The following ZNF132 variants were observed in gnomAD, a reference collection of about 807,000 sequenced individuals.
ZNF132 encodes zinc finger protein 132.
A neutral mutation model predicts 9.3 loss-of-function variants in ZNF132; 6 were observed. The ratio of observed to expected loss-of-function variants is 0.65; its 90% confidence interval spans 0.35 to 1.28. The LOEUF is 1.28. Ranked by LOEUF, ZNF132 falls within the 50% of genes most tolerant of loss-of-function variation. The pLI, the probability that ZNF132 is intolerant of heterozygous loss-of-function variation, is 0.03. For missense variants in ZNF132, 877 were observed against 843.2 expected, an observed-to-expected ratio of 1.04 and a Z score of -0.50; for synonymous variants, 296 against 292.0, an observed-to-expected ratio of 1.01 and a Z score of -0.14.
chr19:58,434,514 C>T lies in ZNF132; in HGVS notation c.930G>A (p.Gln310=). 3.1e-6 allele frequency: 5 copies of T among 1,614,198 alleles called. No individual in the cohort carries two copies. Among genetic ancestry groups the T allele is most frequent in the Non-Finnish European group, 4.2e-6 (5 of 1,180,036 alleles). ...AATATTTTACTTCAGTGTGAAATTTCTGGTGCTTCCTCAGCTTAGATGAGT... is the reference window on the plus strand; with the variant it reads ...AATATTTTACTTCAGTGTGAAATTTTTGGTGCTTCCTCAGCTTAGATGAGT... ...FSHSSKLRKH[Q]KFHTEVKYYE... The change falls in exon 3 of 3, where the codon CAG becomes CAA. Residue 310 remains glutamine (Q), a synonymous_variant. Coordinates refer to ENST00000254166, the MANE Select transcript of ZNF132 (RefSeq NM_003433.4).
chr19:58,433,815 G>A lies in ZNF132; in HGVS notation c.1629C>T (p.Tyr543=), dbSNP rs199698210. 189 of 1,613,924 alleles carry A rather than the reference G, an allele frequency of 1.2e-4. No homozygotes were observed. The highest frequency in any genetic ancestry group is 4.0e-4 in the East Asian group (18 of 44,868). ...HWRIHTGEKP[Y]ECSECGKAFA... Reference sequence around the variant, plus strand: ...AGGCTTTCCCACACTCACTACACTCGTAAGGCTTTTCTCCAGTGTGAATTC... The same window carrying A: ...AGGCTTTCCCACACTCACTACACTCATAAGGCTTTTCTCCAGTGTGAATTC... The change falls in exon 3 of 3, where the codon TAC becomes TAT. Residue 543 remains tyrosine, a synonymous_variant. Coordinates refer to ENST00000254166, the MANE Select transcript of ZNF132 (RefSeq NM_003433.4).
In ZNF132 at chr19:58,434,450, G is replaced by C. The variant is rs770272393; in HGVS notation, c.994C>G (p.Leu332Val). The change falls in exon 3 of 3, where the codon CTC becomes GTC. Residue 332 changes from leucine to valine, a missense_variant. Transcript: ENST00000254166. ...ATTCTCTGATGATGAACAAATGTGA[G>C]TTTGTGGTTGAAGGTTTTCCCACAT... Reference protein sequence around the residue: ...IACGKTFNHKLTFVHHQRIHS... With the variant: ...IACGKTFNHKVTFVHHQRIHS... 1.2e-6 allele frequency: 2 copies of C among 1,614,260 alleles called. No individual in the cohort carries two copies. The highest frequency in any genetic ancestry group is 3.3e-5 in the Admixed American group (2 of 60,034).
Position 58,435,207 on chromosome 19 carries a change from A to G in ZNF132, c.237T>C (p.Ser79=), listed in dbSNP as rs1264071871. 6.2e-7 allele frequency: 1 copy of G among 1,604,078 alleles called. No individual in the cohort carries two copies. ...CCCCCTCACCCTCTACTCCATGCCA[A>G]GAACCTGAAAGTAGAGAAATGCCAG... ...ENLELVTSLG[S]WHGVEGEGAH... is the part of the protein sequence containing the mutation. The change falls in exon 3 of 3, where the codon TCT becomes TCC. Residue 79 remains serine, a synonymous_variant. Coordinates refer to ENST00000254166, the MANE Select transcript of ZNF132 (RefSeq NM_003433.4).
chr19:58,440,140 A>G lies in ZNF132; in HGVS notation c.-319T>C. ...TGTAGCCCAACCCACCAGCAGCAAA[A>G]TGAGGACCGCAATGGCGGCGCCGGA... is the stretch of plus-strand genomic sequence containing the variant. On this transcript the variant is annotated 5_prime_UTR_variant, in exon 1 of 3. Coordinates refer to ENST00000254166, the MANE Select transcript of ZNF132 (RefSeq NM_003433.4). 2.6e-6 allele frequency: 1 copy of G among 381,872 alleles called. No homozygotes were observed. Among genetic ancestry groups the G allele is most frequent in the Non-Finnish European group, 4.7e-6 (1 of 211,160 alleles). The allele number at this position is 381,872 out of a possible 1,614,324, so 23.7% of individuals were successfully genotyped here. A position where few individuals can be genotyped will look rare whatever the true frequency, so the allele number is the denominator to read the frequency against.
chr19:58,433,401 C>T lies in ZNF132; in HGVS notation c.2043G>A (p.Arg681=), dbSNP rs2052753417. 6.2e-7 allele frequency: 1 copy of T among 1,614,164 alleles called. No individual in the cohort carries two copies. Among genetic ancestry groups the T allele is most frequent in the Non-Finnish European group, 8.5e-7 (1 of 1,180,024 alleles). ...VRHQKVHTRE[R]TYECSQCGKL... is the part of the protein sequence containing the mutation. ...TCCCACACTGGCTACACTCATAAGT[C>T]CTTTCTCTGGTGTGAACTTTCTGGT... Residue 681 remains arginine (R), a synonymous_variant, in exon 3 of 3, where the codon AGG becomes AGA. Coordinates refer to ENST00000254166, the MANE Select transcript of ZNF132 (RefSeq NM_003433.4).
Position 58,433,475 on chromosome 19 carries a change from A to C in ZNF132, c.1969T>G (p.Cys657Gly), listed in dbSNP as rs751764945. 1.2e-6 allele frequency: 2 copies of C among 1,614,084 alleles called. No individual in the cohort carries two copies. The highest frequency in any genetic ancestry group is 2.2e-5 in the South Asian group (2 of 91,084). ...CTAAAGGCTTTTCCACACTGGATGC[A>C]CTCATAGGGCCTTTCTTGTGTGTGA... ...RVHTQERPYE[C>G]IQCGKAFSER... The change falls in exon 3 of 3, where the codon TGC (cysteine) becomes GGC (glycine). Residue 657 changes from cysteine to glycine, a missense_variant. Physicochemically the swap from Cys to Gly is radical, Grantham distance 159. Transcript: ENST00000254166.
At position 58,434,489 on chromosome 19, in the gene ZNF132, AAT is replaced by A; in HGVS notation, c.953_954del (p.Tyr318LeufsTer2). On this transcript the variant is annotated frameshift_variant, in exon 3 of 3. Coordinates refer to ENST00000254166, the MANE Select transcript of ZNF132 (RefSeq NM_003433.4). LOFTEE classifies it low-confidence loss of function (END_TRUNC). Reference protein sequence around the residue: ...KHQKFHTEVKYYECIACGKTF... With the variant: ...KHQKFHTEVKXYECIACGKTF... ...GTTTTCCCACATGCAATGCACTCAT[AAT>A]ATTTTACTTCAGTGTGAAATTTCTG... 6.2e-7 allele frequency: 1 copy of A among 1,614,184 alleles called. No individual in the cohort carries two copies. Among genetic ancestry groups the A allele is most frequent in the South Asian group, 1.1e-5 (1 of 91,074 alleles).
chr19:58,434,898 G>A lies in ZNF132; in HGVS notation c.546C>T (p.Ser182=). Residue 182 remains serine (S), a synonymous_variant, in exon 3 of 3, where the codon AGC becomes AGT. Transcript: ENST00000254166. ...WYKDRDALMK[S]SKVHLSENPF... ...GGTTCTCTGACAGGTGGACTTTAGA[G>A]CTCTTCATAAGTGCGTCCCTGTCCT... is the stretch of plus-strand genomic sequence containing the variant. The A allele has an allele frequency of 6.2e-7, 1 of 1,614,162 alleles. No homozygotes were observed. The highest frequency in any genetic ancestry group is 1.7e-5 in the Admixed American group (1 of 60,012).
In ZNF132 at chr19:58,433,482, G is replaced by C. The variant is rs1200301616; in HGVS notation, c.1962C>G (p.Pro654=). 1 of 1,614,010 alleles carries C rather than the reference G, an allele frequency of 6.2e-7. No homozygotes were observed. The highest frequency in any genetic ancestry group is 8.5e-7 in the Non-Finnish European group (1 of 1,179,984). Residue 654 remains proline (P), a synonymous_variant, in exon 3 of 3, where the codon CCC becomes CCG. Coordinates refer to ENST00000254166, the MANE Select transcript of ZNF132 (RefSeq NM_003433.4). ...RHQRVHTQER[P]YECIQCGKAF... is the part of the protein sequence containing the mutation. ...CTTTTCCACACTGGATGCACTCATAGGGCCTTTCTTGTGTGTGAACTCTCT... is the reference window on the plus strand; with the variant it reads ...CTTTTCCACACTGGATGCACTCATACGGCCTTTCTTGTGTGTGAACTCTCT...
chr19:58,439,954 C>CTGGG lies in ZNF132; in HGVS notation c.-137_-134dup, dbSNP rs2052793662. On this transcript the variant is annotated 5_prime_UTR_variant, in exon 1 of 3. It removes the in-frame stop codon of an upstream open reading frame in the 5' UTR. Coordinates refer to ENST00000254166, the MANE Select transcript of ZNF132 (RefSeq NM_003433.4). Reference sequence around the variant, plus strand: ...CCTCTGGGCACCGCAGGGACGAAGGCTGGGTATGGAGACCCTGGAGACGCG... The same window carrying CTGGG: ...CCTCTGGGCACCGCAGGGACGAAGGCTGGGTGGGTATGGAGACCCTGGAGACGCG... 1 of 913,616 alleles carries CTGGG rather than the reference C, an allele frequency of 1.1e-6. No homozygotes were observed. The highest frequency in any genetic ancestry group is 1.6e-6 in the Non-Finnish European group (1 of 608,658). 56.6% of individuals were successfully genotyped at this position (913,616 alleles called of 1,614,324 possible). A position where few individuals can be genotyped will look rare whatever the true frequency, so the allele number is the denominator to read the frequency against.
At chr19:58,435,360 G>A in intron 2 of ZNF132, 149 bp from the exon 3 acceptor site, 1 of 865,472 alleles carries the variant, frequency 1.2e-6, no homozygotes, top group East Asian at 2.7e-5. Context: ...GTGAAGAAGG[G>A]CCCATTACTA....
chr19:58,438,674 C>T (rs1333116931), intron 1 of ZNF132, among the ~76,000 whole-genome samples: 3 of 151,940 alleles, frequency 2.0e-5, no homozygotes, highest in East Asian at 1.9e-4. Context: ...GGGGTTTCAC[C>T]GTGTTAGCCA....
Position 58,434,776 on chromosome 19 carries a change from A to G in ZNF132, c.668T>C (p.Leu223Pro), listed in dbSNP as rs144057167. Residue 223 changes from leucine to proline, a missense_variant, in exon 3 of 3, where the codon CTT becomes CCT. Coordinates refer to ENST00000254166, the MANE Select transcript of ZNF132 (RefSeq NM_003433.4). ...VDSGQKPYSNLGQLPEVCTTQ... is the reference protein window; with the variant it reads ...VDSGQKPYSNPGQLPEVCTTQ... ...GGTACAGACTTCTGGAAGCTGCCCA[A>G]GATTGGAATATGGCTTCTGCCCACT... 52 of 1,614,200 alleles carry G rather than the reference A, an allele frequency of 3.2e-5. No individual in the cohort carries two copies. The African/African-American group carries it at 5.6e-4, about 17-fold the overall frequency.
chr19:58,433,387 C>T lies in ZNF132; in HGVS notation c.2057G>A (p.Ser686Asn). The part of the protein sequence containing the change: ...VHTRERTYEC[S>N]QCGKLFSHLC... Reference sequence around the variant, plus strand: ...ATGGCTGAAGAGTTTCCCACACTGGCTACACTCATAAGTCCTTTCTCTGGT... The same window carrying T: ...ATGGCTGAAGAGTTTCCCACACTGGTTACACTCATAAGTCCTTTCTCTGGT... The change falls in exon 3 of 3, where the codon AGC (serine) becomes AAC (asparagine). Residue 686 changes from serine to asparagine, a missense_variant. Transcript: ENST00000254166. 1 of 1,614,218 alleles carries T rather than the reference C, an allele frequency of 6.2e-7. No individual in the cohort carries two copies. The highest frequency in any genetic ancestry group is 8.5e-7 in the Non-Finnish European group (1 of 1,180,026).
Position 58,435,171 on chromosome 19 carries a change from C to T in ZNF132, c.273G>A (p.Lys91=), listed in dbSNP as rs201660995. 59 of 1,614,090 alleles carry T rather than the reference C, an allele frequency of 3.7e-5. No homozygotes were observed. In the African/African-American group the frequency reaches 4.0e-4, roughly 11 times the overall value. The change falls in exon 3 of 3, where the codon AAG becomes AAA. Residue 91 remains lysine (K), a synonymous_variant. Transcript: ENST00000254166. ...HGVEGEGAHP[K]QNVSVEVLQV... ...GTAACACTTCTACAGAAACATTCTGCTTGGGATGGGCCCCCTCACCCTCTA... is the reference window on the plus strand; with the variant it reads ...GTAACACTTCTACAGAAACATTCTGTTTGGGATGGGCCCCCTCACCCTCTA...
In ZNF132 at chr19:58,440,119, G is replaced by A; in HGVS notation, c.-298C>T. 2.3e-6 allele frequency: 1 copy of A among 439,274 alleles called. No individual in the cohort carries two copies. Among genetic ancestry groups the A allele is most frequent in the South Asian group, 2.9e-5 (1 of 34,254 alleles). The allele number at this position is 439,274 out of a possible 1,614,324, so 27.2% of individuals were successfully genotyped here. A position where few individuals can be genotyped will look rare whatever the true frequency, so the allele number is the denominator to read the frequency against. On this transcript the variant is annotated 5_prime_UTR_variant, in exon 1 of 3. Coordinates refer to ENST00000254166, the MANE Select transcript of ZNF132 (RefSeq NM_003433.4). ...GGTGTGGCTCCAGAGGCCTGCTGTAGCCCAACCCACCAGCAGCAAAATGAG... is the reference window on the plus strand; with the variant it reads ...GGTGTGGCTCCAGAGGCCTGCTGTAACCCAACCCACCAGCAGCAAAATGAG...
Position 58,437,227 on chromosome 19 carries a change from A to T in ZNF132, c.64-12T>A. The stretch of plus-strand genomic sequence containing the variant: ...GGCCAAGAAGTATGCTGACAAAGAA[A>T]CAAACAATTGGTCAAATGGAAATAT... On this transcript the variant is annotated splice_polypyrimidine_tract_variant and intron_variant, in intron 1 of 2. Transcript: ENST00000254166. The T allele has an allele frequency of 6.3e-7, 1 of 1,575,910 alleles. No homozygotes were observed. Among genetic ancestry groups the T allele is most frequent in the Non-Finnish European group, 8.6e-7 (1 of 1,163,030 alleles).
intron 1 of ZNF132, 151 bp from the exon 2 acceptor site, chr19:58,437,366 T>C: frequency 1.1e-6 from 1 of 936,558 alleles, no homozygotes; most frequent in South Asian, 1.8e-5. Context: ...ATCTTCTTCC[T>C]CAGGGCCCCC....
rs764673406 is a variant in ZNF132 at position 58,434,075 on chromosome 19, G to A, written c.1369C>T (p.Arg457Trp). ...CCACATTCACTGCACTCAAAAGGCC[G>A]TTCTCCGGTGTGAACTTTCTGGTGC... ...AQHQKVHTGERPFECSECGRD... is the reference protein window; with the variant it reads ...AQHQKVHTGEWPFECSECGRD... The change falls in exon 3 of 3, where the codon CGG becomes TGG. Residue 457 changes from arginine (R) to tryptophan (W), a missense_variant. Arg to Trp is a moderately radical substitution (Grantham distance 101, BLOSUM62 -3). Transcript: ENST00000254166. 76 of 1,610,904 alleles carry A rather than the reference G, an allele frequency of 4.7e-5. No individual in the cohort carries two copies. The highest frequency in any genetic ancestry group is 9.0e-5 in the East Asian group (4 of 44,674).
Sources: allele counts gnomAD v4.1 joint callset (sites outside exome capture counted in the v4.1 genomes callset), GRCh38; gene constraint gnomAD v4.1.1; transcripts MANE v1.5; gene names NCBI Gene and HGNC (gene_info 2026-07-23, HGNC 2026-07-21).